FTO: variants seen among roughly 807,000 people sequenced by gnomAD.
FTO encodes the protein alpha-ketoglutarate-dependent dioxygenase FTO.
FTO carries 47 observed loss-of-function variants against 63.9 expected under a neutral mutation model. That is an observed-to-expected ratio of 0.74 (90% confidence interval 0.58 to 0.94). The LOEUF is 0.94. FTO is among the 40% of genes least tolerant of loss of function. The pLI is 0.00. For missense variants in FTO, 562 were observed against 618.1 expected (o/e 0.91, Z 0.96); for synonymous variants, 207 against 224.4 (o/e 0.92, Z 0.69).
At chr16:53,965,626 A>G (rs1192214213) in intron 8 of FTO, 3 of 152,182 alleles carry the variant, frequency 2.0e-5, no homozygotes, top group Non-Finnish European at 4.4e-5. Flanking sequence ...TCAGCTTACT[A>G]TAACTAAAGT....
intron 1 of FTO, among the ~76,000 whole-genome samples, chr16:53,746,263 C>T (rs2076649613): frequency 6.6e-6 from 1 of 152,124 alleles, no homozygotes; most frequent in Admixed American, 6.5e-5. Flanking sequence ...TTTCCCTTTC[C>T]CTGCCACAGT....
intron 4 of FTO, among the ~76,000 whole-genome samples, chr16:53,850,784 A>G (rs2079769322): frequency 6.6e-6 from 1 of 152,034 alleles, no homozygotes; most frequent in South Asian, 2.1e-4. Flanking sequence ...ATTGATTGCT[A>G]ATGGGTACAG....
chr16:53,973,838 T>C (rs549029261), intron 8 of FTO, among the ~76,000 whole-genome samples: 22 of 152,184 alleles, frequency 1.4e-4, no homozygotes, highest in Non-Finnish European at 2.5e-4. Flanking sequence ...GTAGAACTTA[T>C]ACTAAAGATC....
intron 7 of FTO, among the ~76,000 whole-genome samples, chr16:53,891,253 G>C (rs914414304): frequency 2.6e-5 from 4 of 151,806 alleles, no homozygotes; most frequent in African/African-American, 9.7e-5. Flanking sequence ...CAGCCTCCCA[G>C]AGTGTTGGGA....
intron 8 of FTO, among the ~76,000 whole-genome samples, chr16:54,101,775 C>A (rs565858016): frequency 3.3e-4 from 50 of 152,292 alleles, no homozygotes; most frequent in Admixed American, 1.2e-3. Context: ...AATGACACTG[C>A]CACCAACAGT....
intron 8 of FTO, among the ~76,000 whole-genome samples, chr16:53,973,612 G>A (rs143872401): frequency 1.4e-4 from 21 of 152,280 alleles, no homozygotes; most frequent in Non-Finnish European, 2.1e-4. Context: ...TCTCCCTAGA[G>A]CTCAGTCTCA....
intron 4 of FTO, among the ~76,000 whole-genome samples, chr16:53,872,386 C>T (rs1027503054): frequency 3.3e-5 from 5 of 152,132 alleles, no homozygotes; most frequent in African/African-American, 4.8e-5. Flanking sequence ...CTTTCGAGGC[C>T]CTGTGGCCTT....
intron 8 of FTO, among the ~76,000 whole-genome samples, chr16:54,020,561 G>A (rs1333625539): frequency 1.3e-5 from 2 of 150,690 alleles, no homozygotes; most frequent in Non-Finnish European, 2.9e-5. Context: ...TAGATGATGG[G>A]AAAAATGACT....
chr16:53,711,245 A>G, intron 1 of FTO: 1 of 387,790 alleles, frequency 2.6e-6, no homozygotes, highest in Non-Finnish European at 4.5e-6. Context: ...GGATTTTCTC[A>G]AATGGGGTTC....
At chr16:53,922,811 C>A (rs1271695436) in intron 7 of FTO, among the ~76,000 whole-genome samples, 1 of 152,148 alleles carries the variant, frequency 6.6e-6, no homozygotes, top group Non-Finnish European at 1.5e-5. Context: ...TTTCCAACAT[C>A]GAATGGATTC....
intron 8 of FTO, among the ~76,000 whole-genome samples, chr16:54,093,813 T>TACCA (rs2144565001): frequency 6.6e-6 from 1 of 152,296 alleles, no homozygotes; most frequent in East Asian, 1.9e-4. Context: ...CCCCCATCTC[T>TACCA]ACCAGGCACG....
intron 1 of FTO, among the ~76,000 whole-genome samples, chr16:53,809,703 A>T (rs1176181186): frequency 1.3e-5 from 2 of 152,174 alleles, no homozygotes; most frequent in African/African-American, 4.8e-5. Flanking sequence ...GCACTGTAGG[A>T]GGCCAAGGTG....
intron 1 of FTO, among the ~76,000 whole-genome samples, chr16:53,776,052 G>A (rs1334979235): frequency 2.6e-5 from 4 of 152,062 alleles, no homozygotes; most frequent in East Asian, 1.9e-4. Flanking sequence ...GGGCTGAAGC[G>A]GTACTCTAGC....
intron 8 of FTO, among the ~76,000 whole-genome samples, chr16:54,022,527 T>C (rs2084624859): frequency 6.6e-6 from 1 of 152,250 alleles, no homozygotes; most frequent in Non-Finnish European, 1.5e-5. Context: ...TCTCCTTTGC[T>C]TTATCATAAA....
intron 4 of FTO, among the ~76,000 whole-genome samples, chr16:53,868,824 C>A (rs972544431): frequency 2.0e-5 from 3 of 151,136 alleles, no homozygotes; most frequent in East Asian, 3.9e-4. Flanking sequence ...TTAAAAAATC[C>A]TTTCTTTCTT....
At chr16:53,997,095 G>A (rs1160118635) in intron 8 of FTO, among the ~76,000 whole-genome samples, 2 of 150,726 alleles carry the variant, frequency 1.3e-5, no homozygotes, top group African/African-American at 4.9e-5. Context: ...GCAATGGAGT[G>A]GAGCAAGACT....
At chr16:53,843,709 T>C (rs1229705798) in intron 3 of FTO, among the ~76,000 whole-genome samples, 1 of 152,228 alleles carries the variant, frequency 6.6e-6, no homozygotes, top group Non-Finnish European at 1.5e-5. Context: ...ATTTATATTA[T>C]GTCCAATTTC....
chr16:54,000,369 G>A (rs1463706706), intron 8 of FTO, among the ~76,000 whole-genome samples: 1 of 152,154 alleles, frequency 6.6e-6, no homozygotes, highest in East Asian at 1.9e-4. Flanking sequence ...TATTTATGAG[G>A]GGGGAAATCT....
At chr16:53,875,510 TCTA>T (rs2080623615) in intron 5 of FTO, among the ~76,000 whole-genome samples, 1 of 152,216 alleles carries the variant, frequency 6.6e-6, no homozygotes, top group South Asian at 2.1e-4. Context: ...TTAAATTACT[TCTA>T]CTGCTACTAC....
Sources: allele counts gnomAD v4.1 joint callset (sites outside exome capture counted in the v4.1 genomes callset), GRCh38; gene constraint gnomAD v4.1.1; transcripts MANE v1.5; gene names NCBI Gene and HGNC (gene_info 2026-07-23, HGNC 2026-07-21).